EYS: variants seen among roughly 807,000 people sequenced by gnomAD.
The protein encoded by EYS is EGF-like photoreceptor maintenance factor.
In EYS, 250 loss-of-function variants were observed where a neutral mutation model predicts 282.1. That is an observed-to-expected ratio of 0.89 (90% CI 0.80 to 0.98). EYS has a LOEUF of 0.98. Among genes scored for constraint, EYS ranks in the 50% least tolerant of loss-of-function variants. The probability of loss-of-function intolerance (pLI) is 0.00; values close to 1 mark genes in which losing one functional copy is unlikely to be tolerated. For missense variants in EYS, 4,016 were observed against 3,709.0 expected (o/e 1.08, Z -2.15); for synonymous variants, 1,355 against 1,282.9 (o/e 1.06, Z -1.20).
At chr6:64,692,242 T>C (rs1227181664) in intron 22 of EYS, among the ~76,000 whole-genome samples, 1 of 152,228 alleles carries the variant, frequency 6.6e-6, no homozygotes, top group African/African-American at 2.4e-5. Flanking sequence ...ATTTCTCTGA[T>C]GTTTAGTGAT....
At chr6:64,266,336 G>C (rs892184318) in intron 30 of EYS, among the ~76,000 whole-genome samples, 1 of 151,966 alleles carries the variant, frequency 6.6e-6, no homozygotes, top group Admixed American at 6.6e-5. Flanking sequence ...TGAGAGGTTA[G>C]TGAAATTCCT....
In EYS at chr6:64,692,532, A is replaced by C. The variant is rs114908007; in HGVS notation, c.3444-66287T>G. Among the ~76,000 whole-genome samples, 726 of 152,258 alleles carry C rather than the reference A, an allele frequency of 4.8e-3. 2 individuals are homozygous for C. The highest frequency in any genetic ancestry group is 0.017 in the African/African-American group (689 of 41,564). On this transcript the variant is annotated intron_variant, in intron 22 of 42. Transcript: ENST00000503581. ...AATTGCTTTTGGAGACTTAGCCAAAAATTCTTTGCCAAGGTTAATGTTCAG... is the reference window on the plus strand; with the variant it reads ...AATTGCTTTTGGAGACTTAGCCAAACATTCTTTGCCAAGGTTAATGTTCAG...
intron 26 of EYS, among the ~76,000 whole-genome samples, chr6:64,556,704 A>T (rs916084622): frequency 5.9e-5 from 9 of 152,124 alleles, no homozygotes; most frequent in African/African-American, 2.2e-4. Context: ...AGAACAAGGC[A>T]CTGAGGAACA....
chr6:64,276,658 T>A (rs142954672), intron 30 of EYS, among the ~76,000 whole-genome samples: 1 of 152,218 alleles, frequency 6.6e-6, no homozygotes, highest in East Asian at 1.9e-4. Flanking sequence ...AAAAAGTCAG[T>A]AATGGTGAAA....
intron 28 of EYS, among the ~76,000 whole-genome samples, chr6:64,393,008 A>C (rs1326536569): frequency 6.6e-6 from 1 of 152,250 alleles, no homozygotes; most frequent in Admixed American, 6.5e-5. Context: ...ACCTCTACGC[A>C]AATACTAAAG....
At chr6:65,233,276 G>A (rs966865786) in intron 12 of EYS, among the ~76,000 whole-genome samples, 4 of 151,854 alleles carry the variant, frequency 2.6e-5, no homozygotes, top group African/African-American at 9.7e-5. Context: ...GGATATTTTC[G>A]GTAATATGTT....
chr6:64,306,758 G>T (rs191225843), intron 30 of EYS, among the ~76,000 whole-genome samples: 1 of 152,208 alleles, frequency 6.6e-6, no homozygotes, highest in Non-Finnish European at 1.5e-5. Flanking sequence ...GCACAAAAAA[G>T]ATACCCTTTA....
chr6:65,663,477 AG>A (rs1407992992), intron 1 of EYS, among the ~76,000 whole-genome samples: 3 of 152,218 alleles, frequency 2.0e-5, no homozygotes, highest in African/African-American at 7.2e-5. Context: ...AGAAACTTAA[AG>A]AAAGGAATTA....
chr6:63,995,857 T>C (rs2149799897), intron 34 of EYS, among the ~76,000 whole-genome samples: 2 of 152,026 alleles, frequency 1.3e-5, no homozygotes, highest in South Asian at 4.1e-4. Flanking sequence ...TCCAATCTGA[T>C]AAGAGGAATA....
intron 30 of EYS, among the ~76,000 whole-genome samples, chr6:64,252,496 A>G (rs1472694937): frequency 6.6e-6 from 1 of 152,076 alleles, no homozygotes; most frequent in African/African-American, 2.4e-5. Context: ...TGATCATGTT[A>G]AAATGTAACC....
chr6:64,718,335 G>A (rs1771463438), intron 22 of EYS, among the ~76,000 whole-genome samples: 2 of 152,096 alleles, frequency 1.3e-5, no homozygotes, highest in Admixed American at 6.6e-5. Flanking sequence ...CTTTCCACCT[G>A]ATTTCAAATA....
At chr6:64,952,154 C>T (rs377146028) in intron 14 of EYS, among the ~76,000 whole-genome samples, 1 of 151,982 alleles carries the variant, frequency 6.6e-6, no homozygotes, top group African/African-American at 2.4e-5. Flanking sequence ...GAGCCAACAT[C>T]ATAATGGAGT....
chr6:64,934,625 G>GA (rs138616091), intron 15 of EYS, among the ~76,000 whole-genome samples: 4,905 of 149,542 alleles, frequency 0.033, 137 homozygotes, highest in East Asian at 0.13. Context: ...AGTGCTAAAA[G>GA]AAAAAAAAAG....
At chr6:65,188,415 A>C (rs184314510) in intron 12 of EYS, among the ~76,000 whole-genome samples, 73 of 151,910 alleles carry the variant, frequency 4.8e-4, no homozygotes, top group Non-Finnish European at 9.4e-4. Context: ...TTGTAAACAA[A>C]ATACAAGGAA....
At chr6:65,472,694 A>T (rs1458715528) in intron 5 of EYS, among the ~76,000 whole-genome samples, 1 of 152,022 alleles carries the variant, frequency 6.6e-6, no homozygotes, top group Non-Finnish European at 1.5e-5. Flanking sequence ...AGGAAGTCAA[A>T]CACTAAACTA....
At chr6:65,504,212 C>A (rs1157453513) in intron 2 of EYS, among the ~76,000 whole-genome samples, 2 of 151,398 alleles carry the variant, frequency 1.3e-5, no homozygotes, top group South Asian at 2.1e-4. Flanking sequence ...GATACTATTA[C>A]AAATGGTATT....
At chr6:65,557,892 G>A (rs1190682580) in intron 2 of EYS, among the ~76,000 whole-genome samples, 1 of 152,126 alleles carries the variant, frequency 6.6e-6, no homozygotes, top group Non-Finnish European at 1.5e-5. Context: ...CTATCTGCAG[G>A]GAGGTCATCA....
chr6:64,092,043 T>C (rs1166455795), intron 31 of EYS, among the ~76,000 whole-genome samples: 1 of 152,188 alleles, frequency 6.6e-6, no homozygotes, highest in African/African-American at 2.4e-5. Flanking sequence ...AGAATGATGG[T>C]TTCCAAACTC....
chr6:65,515,214 A>G (rs1195920903), intron 2 of EYS, among the ~76,000 whole-genome samples: 1 of 151,546 alleles, frequency 6.6e-6, no homozygotes, highest in Non-Finnish European at 1.5e-5. Context: ...TGGCCATCAG[A>G]GAAATGCAAA....
Sources: allele counts gnomAD v4.1 joint callset (sites outside exome capture counted in the v4.1 genomes callset), GRCh38; gene constraint gnomAD v4.1.1; transcripts MANE v1.5; gene names NCBI Gene and HGNC (gene_info 2026-07-23, HGNC 2026-07-21).